The following ZNF652 variants were observed in gnomAD, a reference collection of about 807,000 sequenced individuals.
The protein encoded by ZNF652 is zinc finger protein 652.
A neutral mutation model predicts 45.2 loss-of-function variants in ZNF652; 16 were observed. That is an observed-to-expected ratio of 0.35 (90% CI 0.24 to 0.54). The LOEUF is 0.54. Ranked by LOEUF, ZNF652 falls within the 20% of genes least tolerant of loss-of-function variation. The pLI is 0.91. For synonymous variants in ZNF652, 250 were observed against 260.6 expected (o/e 0.96, Z 0.39); for missense variants, 614 against 765.6 (o/e 0.80, Z 2.34).
intron 1 of ZNF652, among the ~76,000 whole-genome samples, chr17:49,328,716 T>C (rs918769240): frequency 1.3e-5 from 2 of 152,220 alleles, no homozygotes; most frequent in African/African-American, 4.8e-5. Context: ...AAGCAGATGT[T>C]GGTGCCAGGC....
downstream of ZNF652, chr17:49,288,413 T>G (rs1394637537): frequency 6.6e-6 from 1 of 152,152 alleles, no homozygotes; most frequent in Non-Finnish European, 1.5e-5. Flanking sequence ...AAGATTTCCT[T>G]CCTATACACC....
chr17:49,323,620 TAA>T lies in ZNF652; in HGVS notation c.-258-5639_-258-5638del, dbSNP rs2069922517. 4.6e-5 allele frequency among the ~76,000 whole-genome samples: 7 copies of T among 152,164 alleles called. No homozygotes were observed. The South Asian group carries it at 1.4e-3, about 32-fold the overall frequency. On this transcript the variant is annotated intron_variant, in intron 1 of 5. Coordinates refer to ENST00000430262, the MANE Select transcript of ZNF652 (RefSeq NM_001145365.3). ...CAGCTATAGTACAAAATCAATTTCTTAAATAATAAGACTAGGAGGTAAAAATT... is the reference window on the plus strand; with the variant it reads ...CAGCTATAGTACAAAATCAATTTCTTATAATAAGACTAGGAGGTAAAAATT...
At chr17:49,343,919 C>T (rs570531199) in intron 1 of ZNF652, among the ~76,000 whole-genome samples, 1 of 152,056 alleles carries the variant, frequency 6.6e-6, no homozygotes, top group African/African-American at 2.4e-5. Context: ...GCTAGGCCGG[C>T]CAGGCGCGGT....
intron 1 of ZNF652, among the ~76,000 whole-genome samples, chr17:49,354,378 G>A (rs999416215): frequency 7.2e-5 from 11 of 151,822 alleles, no homozygotes; most frequent in African/African-American, 2.4e-4. Flanking sequence ...ATATAAAAAG[G>A]CTTTTTCTCT....
At chr17:49,347,466 G>A (rs937815358) in intron 1 of ZNF652, among the ~76,000 whole-genome samples, 5 of 152,096 alleles carry the variant, frequency 3.3e-5, no homozygotes, top group Non-Finnish European at 7.4e-5. Flanking sequence ...TCTGGAAGCT[G>A]AGGTGGGAGG....
intron 1 of ZNF652, among the ~76,000 whole-genome samples, chr17:49,338,406 C>CA (rs1050996437): frequency 2.0e-5 from 3 of 152,060 alleles, no homozygotes; most frequent in African/African-American, 7.2e-5. Context: ...GTGTGCTGGC[C>CA]AAAAGACAAG....
intron 1 of ZNF652, among the ~76,000 whole-genome samples, chr17:49,359,079 G>C (rs1257084124): frequency 6.6e-6 from 1 of 152,156 alleles, no homozygotes; most frequent in Non-Finnish European, 1.5e-5. Context: ...TGGTTTAGAA[G>C]AGGTTCTGCA....
chr17:49,340,562 A>AG (rs1378915407), intron 1 of ZNF652, among the ~76,000 whole-genome samples: 1 of 131,670 alleles, frequency 7.6e-6, no homozygotes, highest in Non-Finnish European at 1.7e-5. Context: ...AAAAAAAAAA[A>AG]AAAAAAAAAG....
intron 1 of ZNF652, among the ~76,000 whole-genome samples, chr17:49,354,912 G>C (rs920795439): frequency 6.6e-6 from 1 of 151,956 alleles, no homozygotes; most frequent in Non-Finnish European, 1.5e-5. Flanking sequence ...TTTTAGTAGA[G>C]ATGGGGTTTC....
intron 1 of ZNF652, among the ~76,000 whole-genome samples, chr17:49,338,888 A>C (rs2070112869): frequency 6.6e-6 from 1 of 152,234 alleles, no homozygotes; most frequent in African/African-American, 2.4e-5. Flanking sequence ...ACTAAAGTAC[A>C]GTGCACAGAA....
downstream of ZNF652, chr17:49,288,332 A>C (rs1015211754): frequency 6.6e-6 from 1 of 152,190 alleles, no homozygotes; most frequent in African/African-American, 2.4e-5. Flanking sequence ...CAAGATGATA[A>C]AGAATAGCAA....
Position 49,350,988 on chromosome 17 carries a change from T to C in ZNF652, c.-259+10921A>G, listed in dbSNP as rs1467340355. Among the ~76,000 whole-genome samples, 49 of 31,592 alleles carry C rather than the reference T, an allele frequency of 1.6e-3. 2 individuals are homozygous for C. Among genetic ancestry groups the C allele is most frequent in the East Asian group, 7.5e-3 (4 of 536 alleles). The allele number at this position is 31,592 out of a possible 152,430, so 20.7% of individuals were successfully genotyped here. On this transcript the variant is annotated intron_variant, in intron 1 of 5. Transcript: ENST00000430262. The stretch of plus-strand genomic sequence containing the variant: ...CTGTCTACATATATATATATATATA[T>C]ATATATATATATATATATATATATA...
chr17:49,318,429 G>C (rs1204572306), intron 1 of ZNF652, among the ~76,000 whole-genome samples: 2 of 152,030 alleles, frequency 1.3e-5, no homozygotes. Flanking sequence ...AAATGTTTCA[G>C]TATGAGCCAT....
At chr17:49,304,876 G>A (rs1226733841) in intron 5 of ZNF652, among the ~76,000 whole-genome samples, 1 of 99,740 alleles carries the variant, frequency 1.0e-5, no homozygotes, top group East Asian at 2.8e-4. Context: ...GTATATATAT[G>A]TGTATATATA....
intron 1 of ZNF652, among the ~76,000 whole-genome samples, chr17:49,357,520 G>A (rs1277686037): frequency 6.6e-6 from 1 of 152,048 alleles, no homozygotes; most frequent in Non-Finnish European, 1.5e-5. Context: ...AATCTCAGAA[G>A]ACAATTGAAA....
Position 49,294,839 on chromosome 17 carries a change from T to C in ZNF652, c.*3574A>G, listed in dbSNP as rs2069450496. ...GTTGTCTTTAACAGACATGTACAGA[T>C]AAGGGCTGAGAACTCAAACTTCTCC... On this transcript the variant is annotated 3_prime_UTR_variant, in exon 6 of 6. Transcript: ENST00000430262. 2 of 152,208 alleles carry C rather than the reference T, an allele frequency of 1.3e-5. No individual in the cohort carries two copies. The highest frequency in any genetic ancestry group is 1.3e-4 in the Admixed American group (2 of 15,266). 9.4% of individuals were successfully genotyped at this position (152,208 alleles called of 1,614,324 possible). A position where few individuals can be genotyped will look rare whatever the true frequency, so the allele number is the denominator to read the frequency against.
At chr17:49,357,216 T>A (rs753323392) in intron 1 of ZNF652, among the ~76,000 whole-genome samples, 1 of 151,994 alleles carries the variant, frequency 6.6e-6, no homozygotes, top group Non-Finnish European at 1.5e-5. Context: ...GGAGAATTGC[T>A]TGAACCCAGG....
At chr17:49,340,542 T>C (rs2070133735) in intron 1 of ZNF652, among the ~76,000 whole-genome samples, 1 of 114,738 alleles carries the variant, frequency 8.7e-6, no homozygotes, top group African/African-American at 3.6e-5. Flanking sequence ...AAAGCGAGAC[T>C]CTGTCTCAAA....
At chr17:49,325,275 G>A (rs569106851) in intron 1 of ZNF652, among the ~76,000 whole-genome samples, 1 of 152,178 alleles carries the variant, frequency 6.6e-6, no homozygotes, top group African/African-American at 2.4e-5. Context: ...CAATATTGTT[G>A]TATCTCAGGG....
Sources: gnomAD v4.1 joint callset for allele counts (sites outside exome capture counted in the v4.1 genomes callset) on GRCh38, gnomAD v4.1.1 for gene constraint, MANE v1.5 for transcripts, NCBI Gene and HGNC (gene_info 2026-07-23, HGNC 2026-07-21) for gene names.